Variants in ATG5 observed in about 807,000 individuals in gnomAD.
ATG5 encodes autophagy related 5, also known as autophagy protein 5.
Under a neutral mutation model 36.5 loss-of-function variants are expected in ATG5, and 14 were observed. The observed-to-expected ratio is 0.38, with a 90% CI of 0.25 to 0.60. The LOEUF (loss-of-function observed/expected upper bound fraction) is 0.60. Among genes scored for constraint, ATG5 ranks in the 20% least tolerant of loss-of-function variants. The pLI is 0.60. For synonymous variants in ATG5, 95 were observed against 101.5 expected (o/e 0.94, Z 0.38); for missense variants, 195 against 326.7 (o/e 0.60, Z 3.11).
At chr6:106,315,112 C>T (rs539718672) in intron 2 of ATG5, among the ~76,000 whole-genome samples, 1 of 152,248 alleles carries the variant, frequency 6.6e-6, no homozygotes, top group South Asian at 2.1e-4. Context: ...AAAAAGTGAG[C>T]GAATGGGCTC....
intron 4 of ATG5, among the ~76,000 whole-genome samples, chr6:106,281,417 T>A (rs2114605155): frequency 6.6e-6 from 1 of 152,320 alleles, no homozygotes; most frequent in South Asian, 2.1e-4. Context: ...TAATAAAATC[T>A]CATATAAACA....
At chr6:106,307,134 C>T (rs1770476650) in intron 3 of ATG5, among the ~76,000 whole-genome samples, 1 of 152,188 alleles carries the variant, frequency 6.6e-6, no homozygotes, top group African/African-American at 2.4e-5. Flanking sequence ...AAATTTCTCT[C>T]CTTGCTAATA....
chr6:106,235,606 G>A (rs1777869185), intron 6 of ATG5, among the ~76,000 whole-genome samples: 1 of 152,132 alleles, frequency 6.6e-6, no homozygotes, highest in Non-Finnish European at 1.5e-5. Context: ...GACCAATCAG[G>A]TAGTAAAGAG....
chr6:106,246,266 C>G (rs1009167625), intron 6 of ATG5, among the ~76,000 whole-genome samples: 4 of 151,884 alleles, frequency 2.6e-5, no homozygotes, highest in Non-Finnish European at 5.9e-5. Flanking sequence ...GCCGAGAGTC[C>G]CCATCTGGCA....
At chr6:106,271,314 TGATA>T (rs1028012085) in intron 5 of ATG5, among the ~76,000 whole-genome samples, 18 of 152,196 alleles carry the variant, frequency 1.2e-4, no homozygotes, top group Non-Finnish European at 2.4e-4. Context: ...ACCTCCAACA[TGATA>T]GATAAAGTGG....
intron 1 of ATG5, among the ~76,000 whole-genome samples, chr6:106,316,639 G>A (rs1255259169): frequency 6.6e-6 from 1 of 152,056 alleles, no homozygotes; most frequent in Non-Finnish European, 1.5e-5. Context: ...AACTCCAAAG[G>A]ATCATTCTCG....
At chr6:106,293,002 C>A in intron 4 of ATG5, 26 bp downstream of exon 4, 1 of 1,577,794 alleles carries the variant, frequency 6.3e-7, no homozygotes, top group Non-Finnish European at 8.7e-7. Context: ...ACAAATGGGA[C>A]GAAGGAGAAA....
At chr6:106,313,620 A>C (rs182812461) in intron 2 of ATG5, among the ~76,000 whole-genome samples, 2 of 152,358 alleles carry the variant, frequency 1.3e-5, no homozygotes, top group African/African-American at 4.8e-5. Flanking sequence ...TTCTCTGAAA[A>C]ATAAAACATA....
intron 4 of ATG5, 61 bp downstream of exon 4, chr6:106,292,967 A>G: frequency 1.5e-6 from 2 of 1,345,328 alleles, no homozygotes; most frequent in Admixed American, 2.0e-5. Context: ...AGAAAATTCT[A>G]CTCGAAGTCT....
chr6:106,216,411 G>A (rs1037799517), intron 6 of ATG5, among the ~76,000 whole-genome samples: 1 of 151,792 alleles, frequency 6.6e-6, no homozygotes, highest in African/African-American at 2.4e-5. Flanking sequence ...CTATTACTGG[G>A]CCATAAAAAG....
intron 5 of ATG5, among the ~76,000 whole-genome samples, chr6:106,250,493 C>T (rs1481605754): frequency 6.6e-6 from 1 of 152,164 alleles, no homozygotes. Flanking sequence ...GATTCAAAGT[C>T]CCCAATTGCT....
At chr6:106,325,057 A>G (rs947343605) in intron 1 of ATG5, among the ~76,000 whole-genome samples, 3 of 152,244 alleles carry the variant, frequency 2.0e-5, no homozygotes, top group African/African-American at 7.2e-5. Context: ...TGAAGTATGT[A>G]AAAGTGTCTT....
At chr6:106,237,375 C>T (rs1165361821) in intron 6 of ATG5, among the ~76,000 whole-genome samples, 2 of 152,144 alleles carry the variant, frequency 1.3e-5, no homozygotes, top group African/African-American at 4.8e-5. Flanking sequence ...CCTCAATAAA[C>T]ATATTCATCT....
intron 6 of ATG5, among the ~76,000 whole-genome samples, chr6:106,211,682 C>A (rs1196658989): frequency 1.3e-5 from 2 of 152,194 alleles, no homozygotes; most frequent in Non-Finnish European, 2.9e-5. Context: ...TGCACTCCAG[C>A]CTGGGCAACA....
In ATG5 at chr6:106,206,201, C is replaced by CT. The variant is rs1582547785; in HGVS notation, c.574-4113dup. Among the ~76,000 whole-genome samples, 4 of 126,974 alleles carry CT rather than the reference C, an allele frequency of 3.2e-5. No individual in the cohort carries two copies. The East Asian group carries it at 1.0e-3, about 32-fold the overall frequency. The allele number at this position is 126,974 out of a possible 152,430, so 83.3% of individuals were successfully genotyped here. On this transcript the variant is annotated intron_variant, in intron 6 of 7. Transcript: ENST00000369076. ...AGTCCTCAAGAATGGGATCAATGCT[C>CT]TTATAAAAGAGGCCCCAGGGAGCTT...
chr6:106,273,916 C>T (rs563174601), intron 5 of ATG5, among the ~76,000 whole-genome samples: 14 of 152,268 alleles, frequency 9.2e-5, no homozygotes, highest in African/African-American at 3.4e-4. Flanking sequence ...AGCTAATCAC[C>T]ATCTCCTCTT....
At chr6:106,292,558 G>T (rs1201715358) in intron 4 of ATG5, among the ~76,000 whole-genome samples, 1 of 152,172 alleles carries the variant, frequency 6.6e-6, no homozygotes, top group East Asian at 1.9e-4. Flanking sequence ...GTATTAGGTT[G>T]TCCCCTCTGT....
At chr6:106,315,386 A>G (rs1487773329) in intron 2 of ATG5, among the ~76,000 whole-genome samples, 1 of 152,218 alleles carries the variant, frequency 6.6e-6, no homozygotes, top group Non-Finnish European at 1.5e-5. Flanking sequence ...CTATTCAGTG[A>G]ACAGGCAGGA....
chr6:106,238,578 G>T (rs1442010378), intron 6 of ATG5, among the ~76,000 whole-genome samples: 2 of 152,078 alleles, frequency 1.3e-5, no homozygotes, highest in Non-Finnish European at 2.9e-5. Context: ...CCTCTACAGT[G>T]TTTTCCTCTC....
Sources: allele counts gnomAD v4.1 joint callset (sites outside exome capture counted in the v4.1 genomes callset), GRCh38; gene constraint gnomAD v4.1.1; transcripts MANE v1.5; gene names NCBI Gene and HGNC (gene_info 2026-07-23, HGNC 2026-07-21).